Variants in BIRC6 observed in about 807,000 individuals in gnomAD.
BIRC6 encodes baculoviral IAP repeat containing 6, also known as dual E2 ubiquitin-conjugating enzyme/E3 ubiquitin-protein ligase BIRC6.
Under a neutral mutation model 503.3 loss-of-function variants are expected in BIRC6, and 98 were observed. The observed-to-expected ratio is 0.19, with a 90% CI of 0.17 to 0.23. BIRC6 has a LOEUF of 0.23. Ranked by LOEUF, BIRC6 falls within the 10% of genes least tolerant of loss-of-function variation. The pLI is 1.00. For synonymous variants in BIRC6, 2,240 were observed against 2,078.7 expected (o/e 1.08, Z -2.11); for missense variants, 5,360 against 5,806.0 (o/e 0.92, Z 2.50).
chr2:32,541,375 T>C (rs1191948851), intron 61 of BIRC6, among the ~76,000 whole-genome samples: 1 of 152,090 alleles, frequency 6.6e-6, no homozygotes, highest in African/African-American at 2.4e-5. Context: ...ACCTGTTTTA[T>C]TCAGTGTACA....
rs1200807481 is a variant in BIRC6, at chr2:32,503,169, A to G, written c.9432A>G (p.Thr3144=). Residue 3144 remains threonine, a synonymous_variant, in exon 49 of 74, where the codon ACA becomes ACG. Coordinates refer to ENST00000421745, the MANE Select transcript of BIRC6 (RefSeq NM_016252.4). ...DSGPNKAVDS[T]LKTRILASEP... Reference sequence around the variant, plus strand: ...GTCCAAATAAAGCTGTTGACAGCACATTGAAAACAAGAATACTAGCTTCTG... The same window carrying G: ...GTCCAAATAAAGCTGTTGACAGCACGTTGAAAACAAGAATACTAGCTTCTG... 2.5e-6 allele frequency: 4 copies of G among 1,613,234 alleles called. No individual in the cohort carries two copies. The highest frequency in any genetic ancestry group is 3.4e-6 in the Non-Finnish European group (4 of 1,179,596).
chr2:32,460,683 A>G (rs187059034), intron 23 of BIRC6, among the ~76,000 whole-genome samples: 19 of 152,016 alleles, frequency 1.2e-4, no homozygotes, highest in African/African-American at 3.1e-4. Context: ...GATTAGTTCT[A>G]TAGTATCAGG....
In BIRC6 at chr2:32,401,932, AT is replaced by A. The variant is rs200017375; in HGVS notation, c.1418+311del. 6.0e-4 allele frequency among the ~76,000 whole-genome samples: 91 copies of A among 152,334 alleles called. 4 individuals carry two copies. In the East Asian group the frequency reaches 0.016, roughly 27 times the overall value. On this transcript the variant is annotated intron_variant, in intron 8 of 73. Coordinates refer to ENST00000421745, the MANE Select transcript of BIRC6 (RefSeq NM_016252.4). The stretch of plus-strand genomic sequence containing the variant: ...AGTCTAAATAATGAAATGAAATTCT[AT>A]TGTAGTTTCACCTTCTGCTAAATCT...
At position 32,476,321 on chromosome 2, in the gene BIRC6, A is replaced by G; in HGVS notation, c.6829A>G (p.Lys2277Glu). 6.3e-7 allele frequency: 1 copy of G among 1,578,052 alleles called. No individual in the cohort carries two copies. The highest frequency in any genetic ancestry group is 1.2e-5 in the South Asian group (1 of 85,812). Residue 2277 changes from lysine (K) to glutamate (E), a missense_variant, in exon 34 of 74, where the codon AAA (lysine) becomes GAA (glutamate). Around this residue, in one of 16 missense-constraint regions of BIRC6, gnomAD observed 2,299 missense variants for 2,267.2 expected, o/e 1.01. Coordinates refer to ENST00000421745, the MANE Select transcript of BIRC6 (RefSeq NM_016252.4). Reference sequence around the variant, plus strand: ...ATATAAACTCCTGGTAGAACAAGCAAAACTAAAGCAGGCCACTTCAAAGGT... The same window carrying G: ...ATATAAACTCCTGGTAGAACAAGCAGAACTAAAGCAGGCCACTTCAAAGGT... ...SSYKLLVEQAKLKQATSKHFK... is the reference protein window; with the variant it reads ...SSYKLLVEQAELKQATSKHFK...
intron 66 of BIRC6, among the ~76,000 whole-genome samples, chr2:32,584,572 C>G (rs1458847357): frequency 3.3e-5 from 5 of 152,044 alleles, no homozygotes; most frequent in Non-Finnish European, 7.4e-5. Flanking sequence ...AAAACCTAAA[C>G]AATAAAAAGT....
intron 20 of BIRC6, 108 bp downstream of exon 20, chr2:32,443,696 C>T: frequency 1.2e-6 from 1 of 868,584 alleles, no homozygotes; most frequent in Non-Finnish European, 1.7e-6. Context: ...GTTCACTTTT[C>T]TGTGGCTTAT....
intron 66 of BIRC6, among the ~76,000 whole-genome samples, chr2:32,579,955 G>A (rs1485328164): frequency 7.5e-6 from 1 of 132,712 alleles, no homozygotes; most frequent in South Asian, 2.4e-4. Context: ...AACCAGGCAG[G>A]TTTTTTTTTT....
intron 57 of BIRC6, among the ~76,000 whole-genome samples, chr2:32,521,578 C>T (rs1237574201): frequency 6.6e-6 from 1 of 151,688 alleles, no homozygotes; most frequent in Non-Finnish European, 1.5e-5. Flanking sequence ...AAGCAATTCT[C>T]CTGCCTCAGT....
In BIRC6 at chr2:32,506,951, T is replaced by C. The variant is rs181586169; in HGVS notation, c.9701-1029T>C. Among the ~76,000 whole-genome samples the C allele has an allele frequency of 2.0e-4, 30 of 152,288 alleles. 1 individual carries two copies. Among genetic ancestry groups the C allele is most frequent in the Admixed American group, 1.9e-3 (29 of 15,304 alleles). On this transcript the variant is annotated intron_variant, in intron 50 of 73. Coordinates refer to ENST00000421745, the MANE Select transcript of BIRC6 (RefSeq NM_016252.4). ...TAATCAGTGTAAAGCTGGCATGTAA[T>C]TCCTTCTTTTTTTACCACTGAAATT...
chr2:32,552,822 A>G (rs1351296556), intron 65 of BIRC6, among the ~76,000 whole-genome samples: 1 of 150,988 alleles, frequency 6.6e-6, no homozygotes, highest in East Asian at 1.9e-4. Flanking sequence ...AGCCACTTAA[A>G]AAATTATTAC....
intron 3 of BIRC6, among the ~76,000 whole-genome samples, chr2:32,387,301 C>CT (rs1281320241): frequency 0.075 from 9,224 of 123,402 alleles, 438 homozygotes; most frequent in African/African-American, 0.14. Flanking sequence ...CATTCTCCCT[C>CT]TTTTTTTTTT....
intron 59 of BIRC6, chr2:32,528,550 A>C (rs2056473815): frequency 6.6e-6 from 1 of 152,226 alleles, no homozygotes; most frequent in Admixed American, 6.5e-5. Flanking sequence ...TTAATAGCTG[A>C]AACAGGTATC....
chr2:32,423,945 T>A (rs563767485), intron 10 of BIRC6, among the ~76,000 whole-genome samples: 191 of 152,316 alleles, frequency 1.3e-3, no homozygotes, highest in African/African-American at 4.5e-3. Flanking sequence ...ATCGCAGTGC[T>A]TGTGTTCAAG....
chr2:32,518,839 C>A lies in BIRC6; in HGVS notation c.11516C>A (p.Ala3839Asp). 6.2e-7 allele frequency: 1 copy of A among 1,613,366 alleles called. No homozygotes were observed. The highest frequency in any genetic ancestry group is 1.3e-5 in the African/African-American group (1 of 75,022). Residue 3839 changes from alanine to aspartate, a missense_variant, in exon 57 of 74, where the codon GCT becomes GAT. Coordinates refer to ENST00000421745, the MANE Select transcript of BIRC6 (RefSeq NM_016252.4). Reference sequence around the variant, plus strand: ...CAGCTGTACAAAGGTAGAATTAATGCTACTAGCCACGTCATCCAGCATCCA... The same window carrying A: ...CAGCTGTACAAAGGTAGAATTAATGATACTAGCCACGTCATCCAGCATCCA... ...PCPLYKGRIN[A>D]TSHVIQHPMY...
At chr2:32,393,408 A>G (rs2039490216) in intron 5 of BIRC6, among the ~76,000 whole-genome samples, 1 of 152,236 alleles carries the variant, frequency 6.6e-6, no homozygotes, top group South Asian at 2.1e-4. Context: ...TAGGAAACTT[A>G]AACTGAGTGG....
At chr2:32,458,236 T>G (rs2047456504) in intron 23 of BIRC6, among the ~76,000 whole-genome samples, 1 of 152,184 alleles carries the variant, frequency 6.6e-6, no homozygotes, top group Non-Finnish European at 1.5e-5. Context: ...AATTTTTCTG[T>G]GATGTTTCTA....
chr2:32,376,233 C>G (rs1378530644), intron 1 of BIRC6, among the ~76,000 whole-genome samples: 1 of 150,452 alleles, frequency 6.6e-6, no homozygotes, highest in Non-Finnish European at 1.5e-5. Flanking sequence ...GGAGAGATCA[C>G]TTTTTACTGC....
chr2:32,606,822 A>G (rs538273173), intron 71 of BIRC6, among the ~76,000 whole-genome samples: 2 of 152,204 alleles, frequency 1.3e-5, no homozygotes, highest in African/African-American at 4.8e-5. Context: ...CCTGGCCAAC[A>G]TGATGAAACC....
At chr2:32,547,352 A>T (rs931782964) in intron 63 of BIRC6, among the ~76,000 whole-genome samples, 1 of 152,164 alleles carries the variant, frequency 6.6e-6, no homozygotes, top group Admixed American at 6.5e-5. Flanking sequence ...AAATATAAGC[A>T]GTTTCTCTCC....
Sources: allele counts gnomAD v4.1 joint callset (sites outside exome capture counted in the v4.1 genomes callset), GRCh38; gene constraint gnomAD v4.1.1; regional missense constraint gnomAD v4.1.1; transcripts MANE v1.5; gene names NCBI Gene and HGNC (gene_info 2026-07-23, HGNC 2026-07-21).